The following KLF17 variants were observed in gnomAD, a reference collection of about 807,000 sequenced individuals.
The protein encoded by KLF17 is KLF transcription factor 17.
KLF17 carries 31 observed loss-of-function variants against 34.2 expected under a neutral mutation model. That is an observed-to-expected ratio of 0.91 (90% CI 0.68 to 1.22). KLF17 has a LOEUF of 1.22. KLF17 is among the 50% of genes most tolerant of loss of function. The pLI, the probability that KLF17 is intolerant of heterozygous loss-of-function variation, is 0.00. For synonymous variants in KLF17, 179 were observed against 186.7 expected (o/e 0.96, Z 0.34); for missense variants, 478 against 505.2 (o/e 0.95, Z 0.52).
chr1:44,097,529 G>A, the KLF17 span, among the ~76,000 whole-genome samples: 438 of 152,056 alleles, frequency 2.9e-3, 4 homozygotes, highest in African/African-American at 9.8e-3. Context: ...ACCATGGCAC[G>A]TGTATACCTA....
the KLF17 span, among the ~76,000 whole-genome samples, chr1:44,098,136 A>G: frequency 6.6e-6 from 1 of 151,792 alleles, no homozygotes. Context: ...TGCCTAACTA[A>G]TTTTTTAGTC....
At chr1:44,112,137 C>T in the KLF17 span, among the ~76,000 whole-genome samples, 1 of 152,176 alleles carries the variant, frequency 6.6e-6, no homozygotes, top group Non-Finnish European at 1.5e-5. Context: ...ATTTATTCTC[C>T]TGTCGGTAGG....
At chr1:44,128,006 A>C (rs1483532206) in intron 1 of KLF17, among the ~76,000 whole-genome samples, 5 of 151,916 alleles carry the variant, frequency 3.3e-5, no homozygotes, top group Admixed American at 3.3e-4. Context: ...TGAAGAGTGA[A>C]TAGGAGATGA....
chr1:44,059,818 G>A, the KLF17 span, among the ~76,000 whole-genome samples: 1 of 151,890 alleles, frequency 6.6e-6, no homozygotes, highest in African/African-American at 2.4e-5. Flanking sequence ...AAGTTTCCCA[G>A]GCTGCAATGA....
chr1:44,106,203 C>T, the KLF17 span, among the ~76,000 whole-genome samples: 1 of 152,138 alleles, frequency 6.6e-6, no homozygotes, highest in African/African-American at 2.4e-5. Flanking sequence ...TCATAGGTCC[C>T]AGGGAGGGGC....
the KLF17 span, among the ~76,000 whole-genome samples, chr1:44,093,219 C>T: frequency 6.7e-6 from 1 of 150,282 alleles, no homozygotes; most frequent in South Asian, 2.1e-4. Flanking sequence ...TGGTTGGGGG[C>T]CTGTGAATTA....
At chr1:44,112,526 C>T in the KLF17 span, among the ~76,000 whole-genome samples, 14 of 152,184 alleles carry the variant, frequency 9.2e-5, no homozygotes, top group Non-Finnish European at 8.8e-5. Context: ...CCACCTTAGC[C>T]TCCCAAGTAC....
At position 44,129,629 on chromosome 1, in the gene KLF17, C is replaced by T. The variant is rs1301073074; in HGVS notation, c.358C>T (p.Pro120Ser). The change falls in exon 2 of 4, where the codon CCT becomes TCT. Residue 120 changes from proline (P) to serine (S), a missense_variant. Transcript: ENST00000372299. ...GATTTACTGTCAGAGAATGTCTCCC[C>T]CTCAGCAAGAGATGACGATTTTCAG... ...RMIYCQRMSP[P>S]QQEMTIFSGP... The T allele has an allele frequency of 9.3e-6, 15 of 1,614,054 alleles. No homozygotes were observed. The highest frequency in any genetic ancestry group is 1.6e-4 in the Middle Eastern group (1 of 6,084).
At chr1:44,123,050 C>A (rs1055702704) in intron 1 of KLF17, among the ~76,000 whole-genome samples, 3 of 152,044 alleles carry the variant, frequency 2.0e-5, no homozygotes, top group African/African-American at 2.4e-5. Context: ...TTATTCACTT[C>A]TATTAGCAAT....
rs201941932 is a variant in KLF17, at chr1:44,129,697, G to C, written c.426G>C (p.Arg142Ser). The stretch of plus-strand genomic sequence containing the variant: ...CCGTAGGAGAGCCCAATATTCCAAG[G>C]GTAGCCAGGCCCTTCGGTGGGAATC... ...LMPVGEPNIP[R>S]VARPFGGNLR... Residue 142 changes from arginine (R) to serine (S), a missense_variant, in exon 2 of 4, where the codon AGG (arginine) becomes AGC (serine). By Grantham distance (110) the Arg-to-Ser change is moderately radical (BLOSUM62 -1). Coordinates refer to ENST00000372299, the MANE Select transcript of KLF17 (RefSeq NM_173484.4). The C allele has an allele frequency of 5.0e-6, 8 of 1,614,000 alleles. No homozygotes were observed. Among genetic ancestry groups the C allele is most frequent in the Admixed American group, 1.7e-5 (1 of 59,990 alleles).
the KLF17 span, among the ~76,000 whole-genome samples, chr1:44,100,239 CAG>C: frequency 1.5e-5 from 2 of 133,276 alleles, no homozygotes; most frequent in Admixed American, 1.7e-4. Flanking sequence ...GCCTGGGTAA[CAG>C]AGTGAGACTC....
the KLF17 span, among the ~76,000 whole-genome samples, chr1:44,057,222 A>AT: frequency 4.3e-3 from 654 of 152,278 alleles, 6 homozygotes; most frequent in African/African-American, 0.015. Flanking sequence ...ACTGGAATTA[A>AT]TTGCTTTAAT....
At chr1:44,101,520 G>A in the KLF17 span, 2 of 152,108 alleles carry the variant, frequency 1.3e-5, no homozygotes, top group Admixed American at 1.3e-4. Context: ...TTCGTTTGAT[G>A]TTTCCTCATG....
the KLF17 span, chr1:44,106,930 G>A: frequency 6.6e-6 from 1 of 152,212 alleles, no homozygotes; most frequent in Non-Finnish European, 1.5e-5. Context: ...ATTATCTGTT[G>A]AGCATTCCTT....
chr1:44,110,227 A>G, the KLF17 span, among the ~76,000 whole-genome samples: 2 of 152,288 alleles, frequency 1.3e-5, no homozygotes, highest in East Asian at 1.9e-4. Flanking sequence ...TAAAATGGCA[A>G]TGATGAACAC....
rs1038956493 is a variant in KLF17 at position 44,135,073 on chromosome 1, T to C, written c.*1836T>C. On this transcript the variant is annotated 3_prime_UTR_variant, in exon 4 of 4. Transcript: ENST00000372299. ...TAAAAAATAATAAAAATCCTTAGGA[T>C]AACTTGAGGCCAGGAGTTTGAGACC... is the stretch of plus-strand genomic sequence containing the variant. The C allele has an allele frequency of 3.9e-5, 6 of 152,098 alleles. No individual in the cohort carries two copies. Among genetic ancestry groups the C allele is most frequent in the African/African-American group, 1.4e-4 (6 of 41,420 alleles). 9.4% of individuals were successfully genotyped at this position (152,098 alleles called of 1,614,324 possible).
At chr1:44,056,368 G>A in the KLF17 span, among the ~76,000 whole-genome samples, 1 of 152,218 alleles carries the variant, frequency 6.6e-6, no homozygotes, top group African/African-American at 2.4e-5. Context: ...AAGGACTTTT[G>A]CCCAAAAGCA....
chr1:44,098,663 G>C, the KLF17 span, among the ~76,000 whole-genome samples: 2 of 148,518 alleles, frequency 1.3e-5, no homozygotes, highest in Non-Finnish European at 3.0e-5. Flanking sequence ...CCATTCTCCT[G>C]CCTCAGCCTC....
the KLF17 span, among the ~76,000 whole-genome samples, chr1:44,099,611 C>T: frequency 2.6e-5 from 4 of 151,202 alleles, no homozygotes; most frequent in Admixed American, 1.3e-4. Flanking sequence ...GTCAGGAGTT[C>T]GAGACCAGCC....
Sources: gnomAD v4.1 joint callset for allele counts (sites outside exome capture counted in the v4.1 genomes callset) on GRCh38, gnomAD v4.1.1 for gene constraint, MANE v1.5 for transcripts, NCBI Gene and HGNC (gene_info 2026-07-23, HGNC 2026-07-21) for gene names.